REG1B: variants seen among roughly 807,000 people sequenced by gnomAD.
The protein encoded by REG1B is regenerating family member 1 beta.
Under a neutral mutation model 20.4 loss-of-function variants are expected in REG1B, and 21 were observed. That is an observed-to-expected ratio of 1.03 (90% CI 0.73 to 1.48). The LOEUF is 1.48. Among genes scored for constraint, REG1B ranks in the 40% most tolerant of loss-of-function variants. The probability of loss-of-function intolerance (pLI) is 0.00; values close to 1 mark genes in which losing one functional copy is unlikely to be tolerated. For synonymous variants in REG1B, 82 were observed against 73.4 expected (o/e 1.12, Z -0.60); for missense variants, 247 against 197.2 (o/e 1.25, Z -1.51).
intron 1 of REG1B, 148 bp from the exon 2 acceptor site, chr2:79,087,806 A>T (rs919700429): frequency 5.5e-5 from 27 of 493,900 alleles, no homozygotes; most frequent in African/African-American, 4.7e-4. Flanking sequence ...GTTTGGGGAT[A>T]ACAGAGGCCA....
intron 4 of REG1B, 62 bp from the exon 5 acceptor site, chr2:79,085,665 C>G: frequency 9.5e-7 from 1 of 1,054,224 alleles, no homozygotes; most frequent in Non-Finnish European, 1.4e-6. Context: ...AATAACCAGG[C>G]CTGTGTGCAC....
chr2:79,085,123 T>C lies in REG1B; in HGVS notation c.*93A>G, dbSNP rs1319644069. On this transcript the variant is annotated 3_prime_UTR_variant, in exon 6 of 6. Coordinates refer to ENST00000305089, the MANE Select transcript of REG1B (RefSeq NM_006507.4). ...CGATGCAAACTCATTAGGGAGGAGA[T>C]GGTCTGAACTGAGTTGGAGACATAG... is the stretch of plus-strand genomic sequence containing the variant. 2 of 843,136 alleles carry C rather than the reference T, an allele frequency of 2.4e-6. No homozygotes were observed. Among genetic ancestry groups the C allele is most frequent in the Non-Finnish European group, 4.1e-6 (2 of 493,538 alleles). 52.2% of individuals were successfully genotyped at this position (843,136 alleles called of 1,614,324 possible). A position where few individuals can be genotyped will look rare whatever the true frequency, so the allele number is the denominator to read the frequency against.
chr2:79,086,471 C>G lies in REG1B; in HGVS notation c.217G>C (p.Val73Leu). 6.2e-7 allele frequency: 1 copy of G among 1,613,942 alleles called. No homozygotes were observed. The highest frequency in any genetic ancestry group is 8.5e-7 in the Non-Finnish European group (1 of 1,179,998). Residue 73 changes from valine to leucine, a missense_variant, in exon 4 of 6, where the codon GTG becomes CTG. By Grantham distance (32) the Val-to-Leu change is conservative. Coordinates refer to ENST00000305089, the MANE Select transcript of REG1B (RefSeq NM_006507.4). ...YCQNMNSGNLVSVLTQAEGAF... is the reference protein window; with the variant it reads ...YCQNMNSGNLLSVLTQAEGAF... ...CCCTCCGCCTGGGTGAGCACAGACA[C>G]CAGGTTGCCTGAATTCATGTTCTGG...
Position 79,086,741 on chromosome 2 carries a change from G to C in REG1B, c.183+71C>G, listed in dbSNP as rs768297299. 12 of 1,446,706 alleles carry C rather than the reference G, an allele frequency of 8.3e-6. 1 individual carries two copies. The South Asian group carries it at 1.4e-4, about 17-fold the overall frequency. The allele number at this position is 1,446,706 out of a possible 1,614,324, so 89.6% of individuals were successfully genotyped here. ...TCAATCTTATCTCATTGCAGCCACA[G>C]AACACACTGCAAATTAGCAGCTGCC... On this transcript the variant is annotated intron_variant, in intron 3 of 5. Transcript: ENST00000305089.
rs368421116 is a variant in REG1B, at chr2:79,086,946, A to AT, written c.65-17_65-16insA. The AT allele has an allele frequency of 1.9e-6, 3 of 1,596,286 alleles. No individual in the cohort carries two copies. The highest frequency in any genetic ancestry group is 2.6e-6 in the Non-Finnish European group (3 of 1,164,320). ...GACTCCTGGCCTGGGGAAAAAAAAA[A>AT]GGAGATAATTAAGAAAGAATCGCAG... On this transcript the variant is annotated splice_polypyrimidine_tract_variant and intron_variant, in intron 2 of 5. Transcript: ENST00000305089.
In REG1B at chr2:79,086,801, T is replaced by C; in HGVS notation, c.183+11A>G. ...ATAAGCCTCCCTTCCCCTGCTGCTC[T>C]CCTCACTCACATCTGCATCAACCCA... On this transcript the variant is annotated intron_variant, in intron 3 of 5. Transcript: ENST00000305089. 1 of 1,610,666 alleles carries C rather than the reference T, an allele frequency of 6.2e-7. No individual in the cohort carries two copies. Among genetic ancestry groups the C allele is most frequent in the Non-Finnish European group, 8.5e-7 (1 of 1,176,824 alleles).
chr2:79,086,631 C>T (rs999902173), intron 3 of REG1B, 127 bp from the exon 4 acceptor site: 1 of 1,361,454 alleles, frequency 7.3e-7, no homozygotes, highest in Non-Finnish European at 1.0e-6. Context: ...TCACTGACCA[C>T]CAGCATCTCT....
In REG1B at chr2:79,087,578, G is replaced by A; in HGVS notation, c.35C>T (p.Ser12Phe). ...AQTNSFFMLI[S>F]SLMFLSLSQG... ...GCTCAGAGACAGGAACATCAGGGAG[G>A]AGATCAGCATGAAGAACGAGTTGGT... The change falls in exon 2 of 6, where the codon TCC (serine) becomes TTC (phenylalanine). Residue 12 changes from serine to phenylalanine, a missense_variant. By Grantham distance (155) the Ser-to-Phe change is radical. Coordinates refer to ENST00000305089, the MANE Select transcript of REG1B (RefSeq NM_006507.4). The A allele has an allele frequency of 1.2e-6, 2 of 1,613,976 alleles. No individual in the cohort carries two copies. The highest frequency in any genetic ancestry group is 4.5e-5 in the East Asian group (2 of 44,866).
intron 4 of REG1B, chr2:79,086,028 C>T (rs1052181030): frequency 3.2e-6 from 1 of 312,576 alleles, no homozygotes; most frequent in Non-Finnish European, 6.0e-6. Flanking sequence ...GCAGTAGATT[C>T]TCCTCCACTA....
chr2:79,086,508 T>C lies in REG1B; in HGVS notation c.184-4A>G, dbSNP rs1309563854. On this transcript the variant is annotated splice_region_variant and splice_polypyrimidine_tract_variant and intron_variant, in intron 3 of 5. Coordinates refer to ENST00000305089, the MANE Select transcript of REG1B (RefSeq NM_006507.4). ...AATTCATGTTCTGGCAATAGAGCTG[T>C]TGGAGAAGAAAATGGAGCACTCAGT... is the stretch of plus-strand genomic sequence containing the variant. The C allele has an allele frequency of 1.9e-6, 3 of 1,613,120 alleles. No individual in the cohort carries two copies. The highest frequency in any genetic ancestry group is 2.5e-6 in the Non-Finnish European group (3 of 1,179,874).
At chr2:79,086,717 C>A (rs193284335) in intron 3 of REG1B, 95 bp downstream of exon 3, 8 of 1,354,520 alleles carry the variant, frequency 5.9e-6, no homozygotes, top group Middle Eastern at 1.8e-4. Context: ...GGGAAGGGAT[C>A]AATCTTATCT....
rs776319115 is a variant in REG1B at position 79,085,146 on chromosome 2, T to C, written c.*70A>G. The C allele has an allele frequency of 1.3e-5, 14 of 1,086,980 alleles. No homozygotes were observed. The East Asian group carries it at 1.4e-4, about 11-fold the overall frequency. 67.3% of individuals were successfully genotyped at this position (1,086,980 alleles called of 1,614,324 possible). A position where few individuals can be genotyped will look rare whatever the true frequency, so the allele number is the denominator to read the frequency against. On this transcript the variant is annotated 3_prime_UTR_variant, in exon 6 of 6. Coordinates refer to ENST00000305089, the MANE Select transcript of REG1B (RefSeq NM_006507.4). The stretch of plus-strand genomic sequence containing the variant: ...GATGGTCTGAACTGAGTTGGAGACA[T>C]AGTCTAGTTTAATTTTTGACTTCAT...
intron 4 of REG1B, 61 bp from the exon 5 acceptor site, chr2:79,085,664 G>A (rs925886748): frequency 2.7e-6 from 3 of 1,093,910 alleles, no homozygotes; most frequent in East Asian, 2.4e-5. Flanking sequence ...GAATAACCAG[G>A]CCTGTGTGCA....
intron 2 of REG1B, 103 bp downstream of exon 2, chr2:79,087,446 A>T: frequency 8.6e-7 from 1 of 1,165,026 alleles, no homozygotes; most frequent in South Asian, 1.5e-5. Flanking sequence ...AACATAAAAA[A>T]ACCCTGATGT....
intron 4 of REG1B, 174 bp downstream of exon 4, chr2:79,086,193 T>C: frequency 1.5e-6 from 1 of 658,332 alleles, no homozygotes; most frequent in Non-Finnish European, 2.5e-6. Flanking sequence ...TCAGCTCATG[T>C]CTCTAACTAC....
chr2:79,087,153 C>A (rs1391404112), intron 2 of REG1B: 1 of 556,400 alleles, frequency 1.8e-6, no homozygotes. Context: ...AATGAGTCCT[C>A]GTTTTCCTTT....
chr2:79,086,451 C>G lies in REG1B; in HGVS notation c.237G>C (p.Ala79=), dbSNP rs759046126. The G allele has an allele frequency of 6.2e-7, 1 of 1,614,036 alleles. No homozygotes were observed. The highest frequency in any genetic ancestry group is 1.1e-5 in the South Asian group (1 of 91,084). Residue 79 remains alanine (A), a synonymous_variant, in exon 4 of 6, where the codon GCG becomes GCC. Transcript: ENST00000305089. The part of the protein sequence containing the change: ...SGNLVSVLTQ[A]EGAFVASLIK... ...TCAGTGAGGCCACGAAGGCACCCTC[C>G]GCCTGGGTGAGCACAGACACCAGGT...
At chr2:79,085,987 TA>T in intron 4 of REG1B, 1 of 286,728 alleles carries the variant, frequency 3.5e-6, no homozygotes, top group Non-Finnish European at 6.6e-6. Flanking sequence ...TACAGTTTTA[TA>T]CACTTGTATA....
chr2:79,086,361 A>G lies in REG1B; in HGVS notation c.321+6T>C, dbSNP rs1672398826. On this transcript the variant is annotated splice_donor_region_variant and intron_variant, in intron 4 of 5. Transcript: ENST00000305089. Reference sequence around the variant, plus strand: ...TATAAGGAGATAGAGGTGGCTGCAGACTGACCTTTTTTGGGTCATGGAGGC... The same window carrying G: ...TATAAGGAGATAGAGGTGGCTGCAGGCTGACCTTTTTTGGGTCATGGAGGC... The G allele has an allele frequency of 1.2e-6, 2 of 1,614,002 alleles. No individual in the cohort carries two copies. Among genetic ancestry groups the G allele is most frequent in the Non-Finnish European group, 8.5e-7 (1 of 1,179,920 alleles).
Sources: gnomAD v4.1 joint callset for allele counts on GRCh38, gnomAD v4.1.1 for gene constraint, MANE v1.5 for transcripts, NCBI Gene and HGNC (gene_info 2026-07-23, HGNC 2026-07-21) for gene names.